CECR2: variants seen among roughly 807,000 people sequenced by gnomAD.
CECR2 encodes the protein CECR2 histone acetyl-lysine reader.
A neutral mutation model predicts 154.5 loss-of-function variants in CECR2; 30 were observed. That is an observed-to-expected ratio of 0.19 (90% CI 0.15 to 0.26). The LOEUF is 0.26. Among genes scored for constraint, CECR2 ranks in the 10% least tolerant of loss-of-function variants. The probability of loss-of-function intolerance (pLI) is 1.00; values close to 1 mark genes in which losing one functional copy is unlikely to be tolerated. For missense variants in CECR2, 1,743 were observed against 1,829.3 expected, an observed-to-expected ratio of 0.95 and a Z score of 0.86; for synonymous variants, 725 against 683.7, an observed-to-expected ratio of 1.06 and a Z score of -0.94.
At chr22:17,540,166 CA>C (rs1239947720) in intron 13 of CECR2, among the ~76,000 whole-genome samples, 1 of 152,184 alleles carries the variant, frequency 6.6e-6, no homozygotes, top group East Asian at 1.9e-4. Context: ...GGCCCTGTCC[CA>C]ACCATACAAC....
At chr22:17,437,940 CAA>C (rs2054530549) in intron 1 of CECR2, among the ~76,000 whole-genome samples, 1 of 152,084 alleles carries the variant, frequency 6.6e-6, no homozygotes, top group Non-Finnish European at 1.5e-5. Flanking sequence ...TTTAAAAGGA[CAA>C]AGTTTCTTTT....
chr22:17,499,442 A>T lies in CECR2; in HGVS notation c.438A>T (p.Pro146=), dbSNP rs536039455. 1.2e-6 allele frequency: 2 copies of T among 1,613,788 alleles called. No individual in the cohort carries two copies. The highest frequency in any genetic ancestry group is 1.7e-6 in the Non-Finnish European group (2 of 1,179,788). Residue 146 remains proline, a synonymous_variant, in exon 4 of 19, where the codon CCA becomes CCT. Coordinates refer to ENST00000262608, the MANE Select transcript of CECR2 (RefSeq NM_001290047.2). The part of the protein sequence containing the change: ...GLDADSLRVE[P]LGEDNSGALY... The stretch of plus-strand genomic sequence containing the variant: ...ATGCAGACAGTCTCCGTGTGGAGCC[A>T]TTGGGTGAAGACAATTCTGGGGCAC...
At chr22:17,522,796 G>A (rs1185122526) in intron 8 of CECR2, among the ~76,000 whole-genome samples, 2 of 152,136 alleles carry the variant, frequency 1.3e-5, no homozygotes, top group East Asian at 1.9e-4. Context: ...CCTGAGGTCA[G>A]GAGTTCTAGT....
upstream of CECR2, chr22:17,369,246 G>C (rs2063023814): frequency 1.3e-5 from 2 of 151,862 alleles, no homozygotes; most frequent in African/African-American, 4.8e-5. Context: ...GGCGCCTCGT[G>C]AGAGTTCTCG....
chr22:17,434,113 CTG>C (rs1601350580), intron 1 of CECR2, among the ~76,000 whole-genome samples: 1 of 139,670 alleles, frequency 7.2e-6, no homozygotes, highest in African/African-American at 3.1e-5. Context: ...CTTACTTACT[CTG>C]TGTCAGGCCA....
Position 17,525,285 on chromosome 22 carries a change from C to CAAAAAAAAAAAAAAAAAAAAAAA in CECR2, c.1108+1014_1108+1015insAAAAAAAAAAAAAAAAAAAAAAA, listed in dbSNP as rs1569142080. Among the ~76,000 whole-genome samples, 4 of 32,322 alleles carry CAAAAAAAAAAAAAAAAAAAAAAA rather than the reference C, an allele frequency of 1.2e-4. 2 individuals are homozygous for CAAAAAAAAAAAAAAAAAAAAAAA. Among genetic ancestry groups the CAAAAAAAAAAAAAAAAAAAAAAA allele is most frequent in the African/African-American group, 2.4e-4 (2 of 8,190 alleles). The allele number at this position is 32,322 out of a possible 152,430, so 21.2% of individuals were successfully genotyped here. A position where few individuals can be genotyped will look rare whatever the true frequency, so the allele number is the denominator to read the frequency against. ...GGGCAACAAGAGTGAAACTCCATCT[C>CAAAAAAAAAAAAAAAAAAAAAAA]CAAAAAAAAAAAAAAAAAAAAAAAA... On this transcript the variant is annotated intron_variant, in intron 9 of 18. Coordinates refer to ENST00000262608, the MANE Select transcript of CECR2 (RefSeq NM_001290047.2).
At chr22:17,435,016 C>T (rs1322174205) in intron 1 of CECR2, among the ~76,000 whole-genome samples, 1 of 152,070 alleles carries the variant, frequency 6.6e-6, no homozygotes, top group East Asian at 1.9e-4. Flanking sequence ...AGACAGGTAA[C>T]TTAATGGAGG....
At chr22:17,396,034 G>A (rs1412159410) in intron 1 of CECR2, among the ~76,000 whole-genome samples, 2 of 151,416 alleles carry the variant, frequency 1.3e-5, no homozygotes, top group East Asian at 3.9e-4. Flanking sequence ...GAGTTTAGGA[G>A]TTGGAGACCA....
chr22:17,550,062 T>G (rs1409902867), intron 17 of CECR2, among the ~76,000 whole-genome samples: 1 of 152,144 alleles, frequency 6.6e-6, no homozygotes, highest in Admixed American at 6.5e-5. Flanking sequence ...CAACTTTATC[T>G]TTGAAATTTT....
At chr22:17,552,173 T>C (rs556911846) in intron 18 of CECR2, 31 bp downstream of exon 18, 1 of 1,580,518 alleles carries the variant, frequency 6.3e-7, no homozygotes, top group East Asian at 2.2e-5. Context: ...GAGCTGTTCT[T>C]CTTCCTCCAG....
chr22:17,521,966 A>G (rs999210653), intron 8 of CECR2, among the ~76,000 whole-genome samples: 4 of 152,350 alleles, frequency 2.6e-5, no homozygotes, highest in East Asian at 1.9e-4. Flanking sequence ...AGCTTTCTAC[A>G]TATGGCTAGC....
At chr22:17,441,826 G>A (rs1261232976) in intron 1 of CECR2, among the ~76,000 whole-genome samples, 1 of 152,206 alleles carries the variant, frequency 6.6e-6, no homozygotes, top group Non-Finnish European at 1.5e-5. Context: ...TTACAGAAAT[G>A]TGATTAAGAT....
rs117292258 is a variant in CECR2 at position 17,456,651 on chromosome 22, C to A, written c.127-20937C>A. Among the ~76,000 whole-genome samples, 4 of 152,134 alleles carry A rather than the reference C, an allele frequency of 2.6e-5. No individual in the cohort carries two copies. The East Asian group carries it at 7.7e-4, about 29-fold the overall frequency. Reference sequence around the variant, plus strand: ...TCCTCAGAAAATTTTCAGAAACATCCCTTTTTTAAAAAAAGAGTAACAACC... The same window carrying A: ...TCCTCAGAAAATTTTCAGAAACATCACTTTTTTAAAAAAAGAGTAACAACC... On this transcript the variant is annotated intron_variant, in intron 1 of 18. Coordinates refer to ENST00000262608, the MANE Select transcript of CECR2 (RefSeq NM_001290047.2).
intron 1 of CECR2, among the ~76,000 whole-genome samples, chr22:17,446,925 A>G (rs994547719): frequency 7.4e-6 from 1 of 135,706 alleles, no homozygotes; most frequent in Non-Finnish European, 1.5e-5. Flanking sequence ...ATTTTACAGA[A>G]CACTGGTGCA....
At chr22:17,475,692 T>C (rs1050070196) in intron 1 of CECR2, among the ~76,000 whole-genome samples, 1 of 152,184 alleles carries the variant, frequency 6.6e-6, no homozygotes, top group Admixed American at 6.5e-5. Flanking sequence ...GAGATTGGCC[T>C]GGGAGTTTTG....
intron 1 of CECR2, among the ~76,000 whole-genome samples, chr22:17,445,270 G>A (rs1390331713): frequency 6.6e-6 from 1 of 152,132 alleles, no homozygotes; most frequent in Non-Finnish European, 1.5e-5. Context: ...CACTTTGGGA[G>A]GCTGAGGTCA....
At chr22:17,550,270 C>T (rs1025263941) in intron 17 of CECR2, 13 of 181,552 alleles carry the variant, frequency 7.2e-5, no homozygotes, top group African/African-American at 2.9e-4. Context: ...GCCTCATCCT[C>T]CCAAGTAGCT....
intron 8 of CECR2, among the ~76,000 whole-genome samples, chr22:17,521,032 G>C (rs1180089805): frequency 1.3e-5 from 2 of 152,092 alleles, no homozygotes; most frequent in Non-Finnish European, 1.5e-5. Flanking sequence ...TTCCCCAATG[G>C]TTGAACCAGT....
At chr22:17,525,312 AAAAGAAAG>A (rs2056243274) in intron 9 of CECR2, among the ~76,000 whole-genome samples, 1 of 145,476 alleles carries the variant, frequency 6.9e-6, no homozygotes, top group African/African-American at 2.5e-5. Context: ...AAAAAAAAAA[AAAAGAAAG>A]GAAGGGAGGG....
Sources: allele counts gnomAD v4.1 joint callset (sites outside exome capture counted in the v4.1 genomes callset), GRCh38; gene constraint gnomAD v4.1.1; transcripts MANE v1.5; gene names NCBI Gene and HGNC (gene_info 2026-07-23, HGNC 2026-07-21).